PSD2: variants seen among roughly 807,000 people sequenced by gnomAD.
PSD2 encodes the protein PH and SEC7 domain-containing protein 2.
In PSD2, 38 loss-of-function variants were observed where a neutral mutation model predicts 69.8. The observed-to-expected ratio is 0.54, with a 90% CI of 0.42 to 0.71. PSD2 has a LOEUF of 0.71. Ranked by LOEUF, PSD2 falls within the 30% of genes least tolerant of loss-of-function variation. The pLI is 0.00. For synonymous variants in PSD2, 412 were observed against 423.0 expected (o/e 0.97, Z 0.32); for missense variants, 943 against 1,014.5 (o/e 0.93, Z 0.96).
In PSD2 at chr5:139,813,394, ACCCAGTACAGCAGCCTCGACT is replaced by A. The variant is rs767600985; in HGVS notation, c.461_481del (p.Gln154_Ser160del). The A allele has an allele frequency of 6.2e-6, 10 of 1,612,388 alleles. No individual in the cohort carries two copies. Among genetic ancestry groups the A allele is most frequent in the Non-Finnish European group, 8.5e-6 (10 of 1,178,626 alleles). On this transcript the variant is annotated inframe_deletion, in exon 3 of 15. Coordinates refer to ENST00000274710, the MANE Select transcript of PSD2 (RefSeq NM_032289.4). ...TCTGGAGTCAGAGCTGCTGCGGGGC[ACCCAGTACAGCAGCCTCGACT>A]CCCTAGACGGGCTGAGCCTCACGGA...
chr5:139,840,244 C>A, intron 14 of PSD2, 74 bp downstream of exon 14: 1 of 1,538,376 alleles, frequency 6.5e-7, no homozygotes, highest in Non-Finnish European at 8.9e-7. Flanking sequence ...TGATGTGGGA[C>A]TGGGGAGGTG....
At chr5:139,840,947 C>G (rs1452749567) in intron 14 of PSD2, among the ~76,000 whole-genome samples, 1 of 152,034 alleles carries the variant, frequency 6.6e-6, no homozygotes, top group Non-Finnish European at 1.5e-5. Context: ...GTGTATAGTT[C>G]AGTAGTGTTA....
chr5:139,758,870 G>A, the PSD2 span, among the ~76,000 whole-genome samples: 1 of 152,204 alleles, frequency 6.6e-6, no homozygotes, highest in Non-Finnish European at 1.5e-5. Flanking sequence ...TGGGGAAATG[G>A]GATCTTGGTT....
chr5:139,749,159 C>T, the PSD2 span, among the ~76,000 whole-genome samples: 1 of 152,186 alleles, frequency 6.6e-6, no homozygotes, highest in African/African-American at 2.4e-5. Flanking sequence ...CCCTCCTGTT[C>T]CAGGGCTTTG....
chr5:139,761,889 G>A, the PSD2 span, among the ~76,000 whole-genome samples: 1 of 152,098 alleles, frequency 6.6e-6, no homozygotes, highest in South Asian at 2.1e-4. Flanking sequence ...TACCAGGCAG[G>A]GCTCTGGAAG....
At chr5:139,841,715 T>C (rs532023188) in intron 14 of PSD2, among the ~76,000 whole-genome samples, 1 of 152,242 alleles carries the variant, frequency 6.6e-6, no homozygotes, top group African/African-American at 2.4e-5. Context: ...TGTGAATTGA[T>C]ATCTCATTGT....
chr5:139,768,969 G>A, the PSD2 span, among the ~76,000 whole-genome samples: 2 of 152,118 alleles, frequency 1.3e-5, no homozygotes. Context: ...ACTACGTGTT[G>A]GGGTCTGGGG....
chr5:139,814,473 T>C lies in PSD2; in HGVS notation c.1016+109T>C. The C allele has an allele frequency of 1.1e-6, 1 of 921,176 alleles. No individual in the cohort carries two copies. Among genetic ancestry groups the C allele is most frequent in the Non-Finnish European group, 1.6e-6 (1 of 641,754 alleles). The allele number at this position is 921,176 out of a possible 1,614,324, so 57.1% of individuals were successfully genotyped here. A position where few individuals can be genotyped will look rare whatever the true frequency, so the allele number is the denominator to read the frequency against. The stretch of plus-strand genomic sequence containing the variant: ...GGGGTGCCAGGTGCTGGGGGGGCAC[T>C]CCCAACAGTTCCCCAAGGACACCTC... On this transcript the variant is annotated intron_variant, in intron 4 of 14. Coordinates refer to ENST00000274710, the MANE Select transcript of PSD2 (RefSeq NM_032289.4). The surrounding 1 kb of genome is among the most constrained non-coding windows in gnomAD (Gnocchi z 4.4).
chr5:139,820,971 C>T (rs1012956217), intron 5 of PSD2, among the ~76,000 whole-genome samples: 1 of 151,306 alleles, frequency 6.6e-6, no homozygotes, highest in African/African-American at 2.4e-5. Context: ...CTTCTTCTGT[C>T]GCCCAGGCTG....
chr5:139,812,591 T>C (rs1759998718), intron 2 of PSD2, among the ~76,000 whole-genome samples: 1 of 152,202 alleles, frequency 6.6e-6, no homozygotes, highest in Non-Finnish European at 1.5e-5. Context: ...GAATCTTACA[T>C]GCCTGGAAGG....
At chr5:139,807,636 G>A (rs1440085232) in intron 1 of PSD2, among the ~76,000 whole-genome samples, 1 of 152,132 alleles carries the variant, frequency 6.6e-6, no homozygotes, top group Non-Finnish European at 1.5e-5. Context: ...TCTAGGAGGT[G>A]AGGGTCAGTG....
chr5:139,842,015 G>A (rs1760882321), intron 14 of PSD2, among the ~76,000 whole-genome samples: 1 of 152,104 alleles, frequency 6.6e-6, no homozygotes, highest in African/African-American at 2.4e-5. Context: ...AGTCCCATTT[G>A]TGTATTTTTA....
chr5:139,822,935 C>G, intron 7 of PSD2, 151 bp downstream of exon 7: 1 of 590,260 alleles, frequency 1.7e-6, no homozygotes, highest in Non-Finnish European at 2.7e-6. Flanking sequence ...GATTTGGCCC[C>G]GCCCTAGTTT....
chr5:139,830,262 T>G (rs889479579), intron 7 of PSD2, among the ~76,000 whole-genome samples: 38 of 152,056 alleles, frequency 2.5e-4, no homozygotes, highest in African/African-American at 8.0e-4. Flanking sequence ...TTATATATCC[T>G]TGATACTAGA....
chr5:139,766,915 TCCTTCCTTCCTTCCCTTC>T, the PSD2 span, among the ~76,000 whole-genome samples: 30 of 25,128 alleles, frequency 1.2e-3, no homozygotes, highest in Middle Eastern at 0.017. Context: ...CTCCCTTCCT[TCCTTCCTTCCTTCCCTTC>T]TTTCTTTCTT....
chr5:139,782,784 T>G, the PSD2 span, among the ~76,000 whole-genome samples: 5 of 152,210 alleles, frequency 3.3e-5, no homozygotes, highest in South Asian at 1.0e-3. Flanking sequence ...TGAGCCACTG[T>G]GCCCAGCCCT....
the PSD2 span, among the ~76,000 whole-genome samples, chr5:139,787,900 A>G: frequency 6.6e-6 from 1 of 152,182 alleles, no homozygotes; most frequent in African/African-American, 2.4e-5. Flanking sequence ...AAGTTGAGGA[A>G]ATACCCGGGT....
intron 12 of PSD2, among the ~76,000 whole-genome samples, chr5:139,838,332 C>T (rs1760789409): frequency 6.6e-6 from 1 of 152,070 alleles, no homozygotes; most frequent in Non-Finnish European, 1.5e-5. Context: ...CTGATGATCC[C>T]CAGTCCACAG....
chr5:139,830,823 CTTTTTTTTTTTT>C (rs60786662), intron 7 of PSD2, among the ~76,000 whole-genome samples: 1 of 82,948 alleles, frequency 1.2e-5, no homozygotes, highest in Non-Finnish European at 2.3e-5. Context: ...CCTGGACTTG[CTTTTTTTTTTTT>C]TTTTTTTTTT....
Sources: gnomAD v4.1 joint callset for allele counts (sites outside exome capture counted in the v4.1 genomes callset) on GRCh38, gnomAD v4.1.1 for gene constraint, Gnocchi (gnomAD v3.1) non-coding constraint, MANE v1.5 for transcripts, NCBI Gene and HGNC (gene_info 2026-07-23, HGNC 2026-07-21) for gene names.